Variants in MTUS2 observed in about 807,000 individuals in gnomAD.
MTUS2 encodes the protein microtubule-associated tumor suppressor candidate 2.
MTUS2 carries 40 observed loss-of-function variants against 114.1 expected under a neutral mutation model. The ratio of observed to expected loss-of-function variants is 0.35; its 90% CI spans 0.27 to 0.46. MTUS2 has a LOEUF of 0.46. MTUS2 is among the 20% of genes least tolerant of loss of function. MTUS2 has a pLI of 1.00. For missense variants in MTUS2, 1,679 were observed against 1,705.4 expected (o/e 0.98, Z 0.27); for synonymous variants, 688 against 672.0 (o/e 1.02, Z -0.37).
intron 6 of MTUS2, among the ~76,000 whole-genome samples, chr13:29,317,998 T>TTTGCTCCATCTGCGTCTGCAA: frequency 6.6e-6 from 1 of 152,222 alleles, no homozygotes; most frequent in African/African-American, 2.4e-5. Flanking sequence ...CTCTTCTTGC[T>TTTGCTCCATCTGCGTCTGCAA]TTGCTCCGTC....
intron 4 of MTUS2, among the ~76,000 whole-genome samples, chr13:29,039,171 T>C (rs761443457): frequency 7.9e-4 from 120 of 152,330 alleles, no homozygotes; most frequent in Non-Finnish European, 7.5e-4. Context: ...AGGACGGGCC[T>C]GGACCGCATA....
At position 29,315,433 on chromosome 13, in the gene MTUS2, T is replaced by C. The variant is rs186488438; in HGVS notation, c.2807-9180T>C. Among the ~76,000 whole-genome samples the C allele has an allele frequency of 5.8e-4, 88 of 152,320 alleles. 1 individual carries two copies. In the East Asian group the frequency reaches 0.015, roughly 26 times the overall value. ...TTCCAAAATATCACTCTGTACCCCA[T>C]ACATATGTACAATTACTATGTGCCA... On this transcript the variant is annotated intron_variant, in intron 6 of 15. Coordinates refer to ENST00000612955, the MANE Select transcript of MTUS2 (RefSeq NM_001033602.4).
intron 9 of MTUS2, among the ~76,000 whole-genome samples, chr13:29,466,803 G>A (rs113824000): frequency 7.3e-5 from 11 of 150,980 alleles, no homozygotes; most frequent in African/African-American, 2.7e-4. Flanking sequence ...CTTGAGCCTG[G>A]GAGGCGGAGT....
At chr13:29,309,698 A>G (rs1329866686) in intron 6 of MTUS2, among the ~76,000 whole-genome samples, 2 of 152,212 alleles carry the variant, frequency 1.3e-5, no homozygotes, top group Non-Finnish European at 2.9e-5. Context: ...TTCTAAATAA[A>G]TATTTATAAT....
intron 2 of MTUS2, among the ~76,000 whole-genome samples, chr13:28,859,403 G>A (rs1876834426): frequency 6.6e-6 from 1 of 152,110 alleles, no homozygotes; most frequent in African/African-American, 2.4e-5. Flanking sequence ...TCATCCTTGC[G>A]GTCCAGTGAC....
chr13:29,490,853 G>C (rs1882011102), intron 11 of MTUS2, among the ~76,000 whole-genome samples: 1 of 152,262 alleles, frequency 6.6e-6, no homozygotes, highest in South Asian at 2.1e-4. Flanking sequence ...ATCCTGGGAG[G>C]GGAAGAAAAT....
chr13:29,430,305 G>A (rs4503647), intron 8 of MTUS2, among the ~76,000 whole-genome samples: 28,345 of 152,050 alleles, frequency 0.19, 3,072 homozygotes, highest in East Asian at 0.48. Context: ...TTCGAAAGGA[G>A]TCTGTTTCCC....
chr13:29,044,500 C>T (rs1479740212), intron 4 of MTUS2, among the ~76,000 whole-genome samples: 4 of 151,790 alleles, frequency 2.6e-5, no homozygotes, highest in Non-Finnish European at 5.9e-5. Flanking sequence ...GGTGTTTTGC[C>T]CATTGTTTCT....
chr13:29,266,322 G>GT lies in MTUS2; in HGVS notation c.2645-15381dup, dbSNP rs1897665961. 2.0e-5 allele frequency among the ~76,000 whole-genome samples: 3 copies of GT among 151,472 alleles called. No homozygotes were observed. The South Asian group carries it at 6.3e-4, about 32-fold the overall frequency. On this transcript the variant is annotated intron_variant, in intron 5 of 15. Transcript: ENST00000612955. ...GCAACTTGTCCAAAGTCAGACACAA[G>GT]TAAGAGACAGAGCCAAGATCTGAAC...
chr13:29,221,526 T>C (rs1187902951), intron 5 of MTUS2, among the ~76,000 whole-genome samples: 1 of 152,182 alleles, frequency 6.6e-6, no homozygotes, highest in African/African-American at 2.4e-5. Flanking sequence ...AAATTGCTGG[T>C]TTATATAATT....
chr13:29,053,586 C>T (rs1440735680), intron 4 of MTUS2, among the ~76,000 whole-genome samples: 1 of 152,166 alleles, frequency 6.6e-6, no homozygotes, highest in African/African-American at 2.4e-5. Context: ...ACTACCTTAT[C>T]CCAGGTGAAT....
chr13:28,992,612 A>G (rs1018524867), intron 2 of MTUS2, among the ~76,000 whole-genome samples: 3 of 152,176 alleles, frequency 2.0e-5, no homozygotes, highest in Non-Finnish European at 4.4e-5. Context: ...GTTCATGGCC[A>G]CTTCCAACAG....
intron 5 of MTUS2, among the ~76,000 whole-genome samples, chr13:29,187,796 G>C (rs989097470): frequency 7.9e-5 from 12 of 152,114 alleles, no homozygotes; most frequent in African/African-American, 2.9e-4. Flanking sequence ...CACACACCCA[G>C]TACAGAGGTC....
intron 4 of MTUS2, among the ~76,000 whole-genome samples, chr13:29,077,010 G>A (rs1889221933): frequency 1.3e-5 from 2 of 152,114 alleles, no homozygotes; most frequent in South Asian, 4.1e-4. Context: ...ATGAATAGAT[G>A]GTTTTATCCT....
At chr13:29,292,005 C>G (rs886515442) in intron 6 of MTUS2, among the ~76,000 whole-genome samples, 1 of 152,150 alleles carries the variant, frequency 6.6e-6, no homozygotes, top group African/African-American at 2.4e-5. Context: ...AGTCCAGTTT[C>G]TAAAATGAGA....
At chr13:29,212,254 G>T (rs1389799935) in intron 5 of MTUS2, among the ~76,000 whole-genome samples, 1 of 151,992 alleles carries the variant, frequency 6.6e-6, no homozygotes, top group Non-Finnish European at 1.5e-5. Context: ...ACCTCTCAGG[G>T]ATCTTTCTGG....
chr13:28,909,494 A>G (rs1466850762), intron 2 of MTUS2, among the ~76,000 whole-genome samples: 3 of 152,076 alleles, frequency 2.0e-5, no homozygotes, highest in African/African-American at 7.2e-5. Flanking sequence ...CTCTGTTTAA[A>G]ACTCTCAATA....
At chr13:28,908,312 C>A (rs1317140146) in intron 2 of MTUS2, among the ~76,000 whole-genome samples, 2 of 151,390 alleles carry the variant, frequency 1.3e-5, no homozygotes, top group Non-Finnish European at 1.5e-5. Context: ...CCACAACAGG[C>A]CCCGGTGGGT....
chr13:29,158,305 T>G (rs1892947713), intron 5 of MTUS2, among the ~76,000 whole-genome samples: 1 of 149,110 alleles, frequency 6.7e-6, no homozygotes, highest in African/African-American at 2.5e-5. Context: ...TCGCCACAAT[T>G]CCACGAGATA....
Sources: gnomAD v4.1 joint callset for allele counts (sites outside exome capture counted in the v4.1 genomes callset) on GRCh38, gnomAD v4.1.1 for gene constraint, MANE v1.5 for transcripts, NCBI Gene and HGNC (gene_info 2026-07-23, HGNC 2026-07-21) for gene names.